Variants in PTK7 observed in about 807,000 individuals in gnomAD.
The protein encoded by PTK7 is protein tyrosine kinase 7 (inactive), also known as inactive tyrosine-protein kinase 7.
A neutral mutation model predicts 116.6 loss-of-function variants in PTK7; 39 were observed. The observed-to-expected ratio is 0.33, with a 90% CI of 0.26 to 0.44. PTK7 has a LOEUF of 0.44. Among genes scored for constraint, PTK7 ranks in the 20% least tolerant of loss-of-function variants. The pLI is 1.00. For synonymous variants in PTK7, 546 were observed against 563.6 expected, an observed-to-expected ratio of 0.97 and a Z score of 0.44; for missense variants, 1,169 against 1,425.6, an observed-to-expected ratio of 0.82 and a Z score of 2.90.
chr6:43,147,404 TC>T (rs911314619), intron 17 of PTK7, among the ~76,000 whole-genome samples: 53 of 152,310 alleles, frequency 3.5e-4, no homozygotes, highest in African/African-American at 1.2e-3. Context: ...GGCCCCTTCT[TC>T]CTTCCCTCAG....
intron 1 of PTK7, among the ~76,000 whole-genome samples, chr6:43,118,659 CTA>C (rs58935341): frequency 0.045 from 2,355 of 52,644 alleles, 39 homozygotes; most frequent in East Asian, 0.079. Flanking sequence ...CTCTCTCTCT[CTA>C]TATATATATA....
chr6:43,091,437 G>A (rs968049969), intron 1 of PTK7, among the ~76,000 whole-genome samples: 61 of 152,168 alleles, frequency 4.0e-4, no homozygotes, highest in Non-Finnish European at 6.6e-4. Flanking sequence ...GAAGTGTTGG[G>A]ATTACAGGCG....
At chr6:43,114,086 G>T (rs1201941246) in intron 1 of PTK7, among the ~76,000 whole-genome samples, 1 of 152,166 alleles carries the variant, frequency 6.6e-6, no homozygotes, top group Non-Finnish European at 1.5e-5. Context: ...GGGTCCCCCT[G>T]CTAGAAACAC....
chr6:43,094,721 G>T (rs901716521), intron 1 of PTK7, among the ~76,000 whole-genome samples: 3 of 151,702 alleles, frequency 2.0e-5, no homozygotes, highest in Non-Finnish European at 4.4e-5. Flanking sequence ...CTCGTCATCC[G>T]CCCGTCTCTG....
chr6:43,151,622 C>T (rs1418608241), intron 17 of PTK7, among the ~76,000 whole-genome samples: 56 of 150,602 alleles, frequency 3.7e-4, no homozygotes, highest in Non-Finnish European at 7.1e-4. Flanking sequence ...AGCTCCGCCT[C>T]CCGGGTTGAC....
At chr6:43,140,777 A>G (rs1187290703) in intron 10 of PTK7, among the ~76,000 whole-genome samples, 5 of 152,128 alleles carry the variant, frequency 3.3e-5, no homozygotes, top group Admixed American at 3.3e-4. Context: ...AGACATGCTT[A>G]TTGTAGAATT....
chr6:43,102,472 C>T (rs1214626570), intron 1 of PTK7, among the ~76,000 whole-genome samples: 1 of 151,718 alleles, frequency 6.6e-6, no homozygotes, highest in African/African-American at 2.4e-5. Context: ...CCCTGTAATA[C>T]CAGCTACTTG....
chr6:43,097,891 G>GT (rs764467425), intron 1 of PTK7, among the ~76,000 whole-genome samples: 1 of 152,176 alleles, frequency 6.6e-6, no homozygotes, highest in Non-Finnish European at 1.5e-5. Flanking sequence ...CAACTCGATG[G>GT]TAAGGTTGAT....
intron 1 of PTK7, among the ~76,000 whole-genome samples, chr6:43,077,499 C>T (rs113020046): frequency 4.6e-5 from 7 of 152,320 alleles, no homozygotes; most frequent in African/African-American, 1.4e-4. Context: ...CCCCCAACTC[C>T]CGCAGCTTTT....
At chr6:43,086,902 A>G (rs6933787) in intron 1 of PTK7, among the ~76,000 whole-genome samples, 1,713 of 152,334 alleles carry the variant, frequency 0.011, 38 homozygotes, top group African/African-American at 0.038. Flanking sequence ...GCAGTCCTGC[A>G]CCAGGGTTCA....
rs376273384 is a variant in PTK7, at chr6:43,145,840, C to G, written c.2640+408C>G. ...CACTTTGCCTCCCTCCTTCCTAGCA[C>G]CACTTGTGACATGAGTGTTACCCCA... On this transcript the variant is annotated intron_variant, in intron 16 of 19. Transcript: ENST00000230419. The surrounding 1 kb of genome is among the most constrained non-coding windows in gnomAD (Gnocchi z 4.8). 1 of 153,974 alleles carries G rather than the reference C, an allele frequency of 6.5e-6. No individual in the cohort carries two copies. The allele number at this position is 153,974 out of a possible 1,614,324, so 9.5% of individuals were successfully genotyped here.
chr6:43,159,325 C>T (rs1771698860), intron 18 of PTK7, among the ~76,000 whole-genome samples: 1 of 152,114 alleles, frequency 6.6e-6, no homozygotes, highest in African/African-American at 2.4e-5. Flanking sequence ...TGCCTCAGCA[C>T]CCATGCCAGA....
intron 1 of PTK7, among the ~76,000 whole-genome samples, chr6:43,088,726 T>TAAATAAA (rs2150375882): frequency 6.6e-6 from 1 of 150,606 alleles, no homozygotes; most frequent in South Asian, 2.1e-4. Flanking sequence ...AATAAATAAA[T>TAAATAAA]AAATAAAGAG....
chr6:43,118,739 A>C (rs560270044), intron 1 of PTK7, among the ~76,000 whole-genome samples: 1 of 123,478 alleles, frequency 8.1e-6, no homozygotes, highest in Admixed American at 8.4e-5. Flanking sequence ...ATATGTATAT[A>C]TGTGTGTGTA....
chr6:43,138,595 G>T, intron 7 of PTK7: 1 of 354,416 alleles, frequency 2.8e-6, no homozygotes, highest in Non-Finnish European at 5.1e-6. Context: ...CTATGAGTTC[G>T]AGACTGTAGT....
At chr6:43,108,383 C>A (rs1421630973) in intron 1 of PTK7, among the ~76,000 whole-genome samples, 1 of 151,662 alleles carries the variant, frequency 6.6e-6, no homozygotes, top group Non-Finnish European at 1.5e-5. Flanking sequence ...GCATGAGCCA[C>A]CGCGCCCGGC....
rs372818328 is a variant in PTK7 at position 43,160,739 on chromosome 6, C to T, written c.3071C>T (p.Ala1024Val). The change falls in exon 20 of 20, where the codon GCT (alanine) becomes GTT (valine). Residue 1024 changes from alanine (A) to valine (V), a missense_variant. Ala to Val is a moderately conservative substitution (Grantham distance 64). This residue lies in a region of PTK7 where 678 missense variants were observed against 853.8 expected (regional missense o/e 0.79). Transcript: ENST00000230419. ...EVLADLQAGK[A>V]RLPQPEGCPS... ...CCTACAGATTTGCAGGCTGGGAAGG[C>T]TAGACTTCCTCAGCCCGAGGGCTGC... 2 of 1,614,164 alleles carry T rather than the reference C, an allele frequency of 1.2e-6. No individual in the cohort carries two copies. The highest frequency in any genetic ancestry group is 1.7e-6 in the Non-Finnish European group (2 of 1,180,012).
chr6:43,138,752 T>C, intron 7 of PTK7, 97 bp from the exon 8 acceptor site: 1 of 1,476,420 alleles, frequency 6.8e-7, no homozygotes, highest in South Asian at 1.4e-5. Context: ...GCTTCTGAAC[T>C]CAGGGCCTAG....
In PTK7 at chr6:43,141,598, G is replaced by A; in HGVS notation, c.1619-70G>A. ...GGTGTGTTTTTGAGTAGAGGTGAGG[G>A]ACTGAAGGCATTGCCAGCTGTCTGT... On this transcript the variant is annotated intron_variant, in intron 10 of 19. Coordinates refer to ENST00000230419, the MANE Select transcript of PTK7 (RefSeq NM_002821.5). The surrounding 1 kb of genome is among the most constrained non-coding windows in gnomAD (Gnocchi z 4.9). The A allele has an allele frequency of 6.5e-7, 1 of 1,531,208 alleles. No homozygotes were observed. Among genetic ancestry groups the A allele is most frequent in the Non-Finnish European group, 8.9e-7 (1 of 1,119,918 alleles). 94.9% of individuals were successfully genotyped at this position (1,531,208 alleles called of 1,614,324 possible). A position where few individuals can be genotyped will look rare whatever the true frequency, so the allele number is the denominator to read the frequency against.
Sources: allele counts gnomAD v4.1 joint callset (sites outside exome capture counted in the v4.1 genomes callset), GRCh38; gene constraint gnomAD v4.1.1; regional missense constraint gnomAD v4.1.1; non-coding constraint Gnocchi (gnomAD v3.1); transcripts MANE v1.5; gene names NCBI Gene and HGNC (gene_info 2026-07-23, HGNC 2026-07-21).